SEPTIN9: variants seen among roughly 807,000 people sequenced by gnomAD.
The protein encoded by SEPTIN9 is septin-9.
Under a neutral mutation model 56.6 loss-of-function variants are expected in SEPTIN9, and 13 were observed. That is an observed-to-expected ratio of 0.23 (90% confidence interval 0.15 to 0.37). SEPTIN9 has a LOEUF of 0.37. Ranked by LOEUF, SEPTIN9 falls within the 10% of genes least tolerant of loss-of-function variation. SEPTIN9 has a pLI of 1.00. For missense variants in SEPTIN9, 650 were observed against 823.1 expected (o/e 0.79, Z 2.57); for synonymous variants, 332 against 334.1 (o/e 0.99, Z 0.07).
At chr17:77,448,116 A>C (rs1221675282) in intron 3 of SEPTIN9, among the ~76,000 whole-genome samples, 1 of 152,176 alleles carries the variant, frequency 6.6e-6, no homozygotes, top group East Asian at 1.9e-4. Flanking sequence ...TGGGAGGTTC[A>C]AATCATAATA....
intron 3 of SEPTIN9, among the ~76,000 whole-genome samples, chr17:77,412,583 C>T (rs1383107194): frequency 2.0e-5 from 3 of 152,074 alleles, no homozygotes; most frequent in African/African-American, 7.2e-5. Flanking sequence ...CAAAAATTAG[C>T]TGGGTGAGGT....
intron 2 of SEPTIN9, among the ~76,000 whole-genome samples, chr17:77,354,390 G>T (rs1341860017): frequency 6.6e-6 from 1 of 152,164 alleles, no homozygotes; most frequent in Non-Finnish European, 1.5e-5. Flanking sequence ...GCTGGTTGGG[G>T]TCTGGGTCCC....
chr17:77,354,885 G>A (rs1189887561), intron 2 of SEPTIN9, among the ~76,000 whole-genome samples: 2 of 152,038 alleles, frequency 1.3e-5, no homozygotes, highest in Non-Finnish European at 2.9e-5. Flanking sequence ...CTGACCTGGC[G>A]TGGCAGGCCC....
intron 4 of SEPTIN9, among the ~76,000 whole-genome samples, chr17:77,485,921 C>T (rs1028193260): frequency 6.6e-6 from 1 of 152,086 alleles, no homozygotes; most frequent in African/African-American, 2.4e-5. Flanking sequence ...TCACTGCAGC[C>T]TCCACATCCT....
chr17:77,471,104 T>A (rs1436259557), intron 3 of SEPTIN9: 4 of 152,320 alleles, frequency 2.6e-5, no homozygotes, highest in Non-Finnish European at 4.4e-5. Flanking sequence ...AGGTGGGTGC[T>A]GCATGGATTG....
intron 2 of SEPTIN9, among the ~76,000 whole-genome samples, chr17:77,370,190 T>C (rs1204404999): frequency 6.6e-6 from 1 of 152,218 alleles, no homozygotes; most frequent in Admixed American, 6.5e-5. Flanking sequence ...GGGGAATGTG[T>C]CCTCTCACAG....
At chr17:77,295,793 C>A (rs2031785120) in intron 1 of SEPTIN9, among the ~76,000 whole-genome samples, 1 of 152,040 alleles carries the variant, frequency 6.6e-6, no homozygotes, top group South Asian at 2.1e-4. Flanking sequence ...CCACCGCCCC[C>A]CACCCCACGG....
In SEPTIN9 at chr17:77,425,477, C is replaced by G. The variant is rs1188135309; in HGVS notation, c.721+22774C>G. Among the ~76,000 whole-genome samples the G allele has an allele frequency of 2.6e-5, 4 of 152,178 alleles. No homozygotes were observed. Among genetic ancestry groups the G allele is most frequent in the Non-Finnish European group, 5.9e-5 (4 of 68,028 alleles). On this transcript the variant is annotated intron_variant, in intron 3 of 11. Coordinates refer to ENST00000427177, the MANE Select transcript of SEPTIN9 (RefSeq NM_001113491.2). The surrounding 1 kb of genome is among the most constrained non-coding windows in gnomAD (Gnocchi z 4.2). ...ACAGCCCTCACCTCTTCCTGGCCCCCTCTCTGGTCATGGGGACGCTGCCTG... is the reference window on the plus strand; with the variant it reads ...ACAGCCCTCACCTCTTCCTGGCCCCGTCTCTGGTCATGGGGACGCTGCCTG...
intron 2 of SEPTIN9, among the ~76,000 whole-genome samples, chr17:77,335,265 G>T (rs11655557): frequency 4.2e-4 from 56 of 132,326 alleles, no homozygotes; most frequent in African/African-American, 1.4e-3. Context: ...TATAGGCCCC[G>T]TGTTGACTGT....
At chr17:77,314,298 T>C (rs983760040) in intron 2 of SEPTIN9, among the ~76,000 whole-genome samples, 10 of 148,506 alleles carry the variant, frequency 6.7e-5, no homozygotes, top group Admixed American at 6.7e-5. Flanking sequence ...TGCCTCAGCC[T>C]CCCAAGTAGC....
At chr17:77,333,749 A>AG (rs1332453321) in intron 2 of SEPTIN9, among the ~76,000 whole-genome samples, 1 of 152,102 alleles carries the variant, frequency 6.6e-6, no homozygotes, top group African/African-American at 2.4e-5. Flanking sequence ...TGTGAGGTAG[A>AG]GGGTCAGGGT....
rs115672740 is a variant in SEPTIN9 at position 77,382,551 on chromosome 17, A to C, written c.77-19508A>C. On this transcript the variant is annotated intron_variant, in intron 2 of 11. Transcript: ENST00000427177. ...AGGCTCTGCATCTGTCCTCCTCCCC[A>C]GGAGGCCTGGAGGGCTGGGAGGGAC... Among the ~76,000 whole-genome samples, 1,196 of 152,284 alleles carry C rather than the reference A, an allele frequency of 7.9e-3. 13 individuals carry two copies. Among genetic ancestry groups the C allele is most frequent in the African/African-American group, 0.026 (1,092 of 41,558 alleles).
At chr17:77,286,986 A>T (rs2031309313) in intron 1 of SEPTIN9, among the ~76,000 whole-genome samples, 1 of 152,032 alleles carries the variant, frequency 6.6e-6, no homozygotes, top group Non-Finnish European at 1.5e-5. Context: ...GTTGCCAGGG[A>T]TTTATGGGGA....
At chr17:77,292,695 C>T (rs2031619889) in intron 1 of SEPTIN9, among the ~76,000 whole-genome samples, 1 of 151,974 alleles carries the variant, frequency 6.6e-6, no homozygotes, top group South Asian at 2.1e-4. Flanking sequence ...GGTTTCCCTA[C>T]ATTGGCCGGG....
intron 2 of SEPTIN9, chr17:77,380,372 T>C (rs1182374616): frequency 7.8e-6 from 1 of 128,188 alleles, no homozygotes; most frequent in South Asian, 2.8e-4. Context: ...ACTGGGCTTC[T>C]CGTATTTTTT....
Position 77,281,679 on chromosome 17 carries a change from T to A in SEPTIN9, c.19+125T>A, listed in dbSNP as rs375870513. The A allele has an allele frequency of 8.4e-4, 800 of 946,832 alleles. 3 individuals carry two copies. The East Asian group carries it at 8.7e-3, about 10-fold the overall frequency. 58.7% of individuals were successfully genotyped at this position (946,832 alleles called of 1,614,324 possible). The stretch of plus-strand genomic sequence containing the variant: ...GAGCGAGTCCCCGCGGCGGGCACAC[T>A]GCAGGTCGAGTTCCTCCCAGGACAG... On this transcript the variant is annotated intron_variant, in intron 1 of 11. Coordinates refer to ENST00000427177, the MANE Select transcript of SEPTIN9 (RefSeq NM_001113491.2).
In SEPTIN9 at chr17:77,488,274, A is replaced by T; in HGVS notation, c.1077A>T (p.Thr359=). The change falls in exon 6 of 12, where the codon ACA becomes ACT. Residue 359 remains threonine, a synonymous_variant. Coordinates refer to ENST00000427177, the MANE Select transcript of SEPTIN9 (RefSeq NM_001113491.2). The part of the protein sequence containing the change: ...IEEKGVRMKL[T]VIDTPGFGDH... ...AGAAAGGCGTCCGGATGAAGCTGACAGTGATTGACACACCAGGGTTCGGGG... is the reference window on the plus strand; with the variant it reads ...AGAAAGGCGTCCGGATGAAGCTGACTGTGATTGACACACCAGGGTTCGGGG... 5 of 1,613,798 alleles carry T rather than the reference A, an allele frequency of 3.1e-6. No individual in the cohort carries two copies. Among genetic ancestry groups the T allele is most frequent in the Non-Finnish European group, 4.2e-6 (5 of 1,179,854 alleles).
chr17:77,351,583 G>T (rs1007011763), intron 2 of SEPTIN9, among the ~76,000 whole-genome samples: 2 of 152,186 alleles, frequency 1.3e-5, no homozygotes, highest in East Asian at 3.9e-4. Context: ...CGGTCAGCAG[G>T]AAGGCTGACC....
chr17:77,286,220 C>G (rs2031271687), intron 1 of SEPTIN9: 2 of 152,374 alleles, frequency 1.3e-5, no homozygotes, highest in African/African-American at 4.8e-5. Flanking sequence ...AGCCCTCTCC[C>G]TAGTCTGTTG....
Sources: gnomAD v4.1 joint callset for allele counts (sites outside exome capture counted in the v4.1 genomes callset) on GRCh38, gnomAD v4.1.1 for gene constraint, Gnocchi (gnomAD v3.1) non-coding constraint, MANE v1.5 for transcripts, NCBI Gene and HGNC (gene_info 2026-07-23, HGNC 2026-07-21) for gene names.